COL19A1: variants seen among roughly 807,000 people sequenced by gnomAD.
COL19A1 encodes collagen type XIX alpha 1 chain.
Under a neutral mutation model 190.2 loss-of-function variants are expected in COL19A1, and 159 were observed. The ratio of observed to expected loss-of-function variants is 0.84; its 90% CI spans 0.73 to 0.95. The LOEUF is 0.95. COL19A1 is among the 40% of genes least tolerant of loss of function. The pLI is 0.00. For missense variants in COL19A1, 1,418 were observed against 1,431.9 expected, an observed-to-expected ratio of 0.99 and a Z score of 0.16; for synonymous variants, 509 against 458.9, an observed-to-expected ratio of 1.11 and a Z score of -1.39.
chr6:70,132,962 C>G (rs989859312), intron 18 of COL19A1, among the ~76,000 whole-genome samples: 1 of 152,132 alleles, frequency 6.6e-6, no homozygotes, highest in African/African-American at 2.4e-5. Flanking sequence ...TACTCAAAAG[C>G]GCAATAACTA....
intron 15 of COL19A1, among the ~76,000 whole-genome samples, chr6:70,074,739 G>T (rs1344866739): frequency 6.8e-6 from 1 of 146,114 alleles, no homozygotes. Flanking sequence ...AAGTAATTTT[G>T]TTAGTTTCAC....
chr6:70,153,738 T>C (rs995375783), intron 31 of COL19A1, among the ~76,000 whole-genome samples: 1 of 152,108 alleles, frequency 6.6e-6, no homozygotes, highest in African/African-American at 2.4e-5. Flanking sequence ...TGGAAATCAT[T>C]TTGTTTTTCT....
At chr6:70,156,489 T>C (rs1787448844) in intron 33 of COL19A1, 120 bp downstream of exon 33, 3 of 991,872 alleles carry the variant, frequency 3.0e-6, no homozygotes, top group Admixed American at 2.5e-5. Context: ...TGTATGTATG[T>C]ATATGGAGAG....
At position 70,207,184 on chromosome 6, in the gene COL19A1, A is replaced by T. The variant is rs1200576; in HGVS notation, c.3339A>T (p.Pro1113=). ...CAGGCTCACCAGGTGCCCCAGGCCCACAGGGCCCCCCAGGACCCAGTGGAA... is the reference window on the plus strand; with the variant it reads ...CAGGCTCACCAGGTGCCCCAGGCCCTCAGGGCCCCCCAGGACCCAGTGGAA... ...GLPGSPGAPG[P]QGPPGPSGRC... is the part of the protein sequence containing the mutation. Residue 1113 remains proline (P), a synonymous_variant, in exon 51 of 51, where the codon CCA becomes CCT. Coordinates refer to ENST00000620364, the MANE Select transcript of COL19A1 (RefSeq NM_001858.6). 1 of 1,613,532 alleles carries T rather than the reference A, an allele frequency of 6.2e-7. No homozygotes were observed. Among genetic ancestry groups the T allele is most frequent in the Non-Finnish European group, 8.5e-7 (1 of 1,179,864 alleles).
At chr6:70,022,229 T>C (rs1007878911) in intron 11 of COL19A1, among the ~76,000 whole-genome samples, 1 of 152,172 alleles carries the variant, frequency 6.6e-6, no homozygotes, top group African/African-American at 2.4e-5. Flanking sequence ...TTACTACTAC[T>C]AACTTCACAG....
chr6:69,969,395 G>A (rs1366704873), intron 11 of COL19A1, among the ~76,000 whole-genome samples: 1 of 152,016 alleles, frequency 6.6e-6, no homozygotes, highest in Non-Finnish European at 1.5e-5. Flanking sequence ...TTTACACTAG[G>A]CTTAGCTCAG....
At chr6:70,169,073 C>CAA (rs3831023) in intron 40 of COL19A1, among the ~76,000 whole-genome samples, 58 of 150,470 alleles carry the variant, frequency 3.9e-4, no homozygotes, top group Admixed American at 1.9e-3. Flanking sequence ...ATCTCCCCAA[C>CAA]AAAAAAAAAG....
intron 48 of COL19A1, among the ~76,000 whole-genome samples, chr6:70,192,653 C>T (rs1460629849): frequency 6.6e-6 from 1 of 152,082 alleles, no homozygotes; most frequent in Non-Finnish European, 1.5e-5. Context: ...GAAGAATATA[C>T]CCATGGCTAC....
At chr6:70,080,231 C>T (rs1421236508) in intron 15 of COL19A1, among the ~76,000 whole-genome samples, 1 of 152,134 alleles carries the variant, frequency 6.6e-6, no homozygotes, top group African/African-American at 2.4e-5. Flanking sequence ...TGTTTTCAGG[C>T]CAATAGATAC....
chr6:70,173,223 T>A (rs1051901899), intron 41 of COL19A1, among the ~76,000 whole-genome samples: 1 of 152,150 alleles, frequency 6.6e-6, no homozygotes, highest in African/African-American at 2.4e-5. Context: ...GAGTAGGCAG[T>A]CTGATATAAA....
At chr6:70,066,752 T>C (rs1457402979) in intron 14 of COL19A1, among the ~76,000 whole-genome samples, 2 of 152,062 alleles carry the variant, frequency 1.3e-5, no homozygotes, top group African/African-American at 4.8e-5. Flanking sequence ...ATTATAAAAA[T>C]GAATGTTAAT....
chr6:70,067,085 T>C (rs1406672771), intron 14 of COL19A1, among the ~76,000 whole-genome samples: 1 of 152,126 alleles, frequency 6.6e-6, no homozygotes, highest in African/African-American at 2.4e-5. Context: ...ATCACTTAAA[T>C]GAATTAGTGG....
At chr6:70,056,726 C>T (rs1431976643) in intron 14 of COL19A1, among the ~76,000 whole-genome samples, 1 of 151,822 alleles carries the variant, frequency 6.6e-6, no homozygotes, top group African/African-American at 2.4e-5. Flanking sequence ...GGAGGAAGGC[C>T]AGTAGAAAGA....
intron 2 of COL19A1, among the ~76,000 whole-genome samples, chr6:69,893,230 T>G (rs906741357): frequency 2.0e-5 from 3 of 152,244 alleles, no homozygotes; most frequent in African/African-American, 7.2e-5. Flanking sequence ...ACTATTTTCC[T>G]TTATTCCAAA....
chr6:70,140,946 C>A lies in COL19A1; in HGVS notation c.1447-8C>A, dbSNP rs1405832493. On this transcript the variant is annotated splice_polypyrimidine_tract_variant and splice_region_variant and intron_variant, in intron 19 of 50. Transcript: ENST00000620364. ...CGTTTAATTCTATTTTCTACCCCTT[C>A]TCCTTAGGGAGAGCCTTTTACAAAA... 2 of 1,610,386 alleles carry A rather than the reference C, an allele frequency of 1.2e-6. No individual in the cohort carries two copies. Among genetic ancestry groups the A allele is most frequent in the Admixed American group, 1.7e-5 (1 of 59,796 alleles).
At chr6:70,159,196 A>T (rs1787628301) in intron 34 of COL19A1, among the ~76,000 whole-genome samples, 1 of 152,070 alleles carries the variant, frequency 6.6e-6, no homozygotes. Context: ...GCATGTACAT[A>T]TAGAAAGAAT....
chr6:69,984,762 A>G (rs891784387), intron 11 of COL19A1, among the ~76,000 whole-genome samples: 2 of 152,132 alleles, frequency 1.3e-5, no homozygotes, highest in South Asian at 2.1e-4. Flanking sequence ...TTTAATGACA[A>G]TTTAGCTGTG....
chr6:69,949,826 A>T (rs1774022412), intron 9 of COL19A1, among the ~76,000 whole-genome samples: 1 of 151,846 alleles, frequency 6.6e-6, no homozygotes, highest in Admixed American at 6.6e-5. Context: ...AGGAGTACTT[A>T]AGAGTACTGT....
intron 16 of COL19A1, among the ~76,000 whole-genome samples, chr6:70,105,694 G>A (rs1250022382): frequency 2.0e-5 from 3 of 152,126 alleles, no homozygotes; most frequent in Non-Finnish European, 4.4e-5. Context: ...AACAAGAGAC[G>A]GGTTGGTAGG....
Sources: gnomAD v4.1 joint callset for allele counts (sites outside exome capture counted in the v4.1 genomes callset) on GRCh38, gnomAD v4.1.1 for gene constraint, MANE v1.5 for transcripts, NCBI Gene and HGNC (gene_info 2026-07-23, HGNC 2026-07-21) for gene names.